The following SF3B1 variants were observed in gnomAD, a reference collection of about 807,000 sequenced individuals.
SF3B1 encodes pre-mRNA processing 10.
SF3B1 carries 12 observed loss-of-function variants against 153.8 expected under a neutral mutation model. The observed-to-expected ratio is 0.08, with a 90% CI of 0.05 to 0.13. SF3B1 has a LOEUF of 0.13. Ranked by LOEUF, SF3B1 falls within the 10% of genes least tolerant of loss-of-function variation. The pLI is 1.00. For synonymous variants in SF3B1, 498 were observed against 525.2 expected (o/e 0.95, Z 0.71); for missense variants, 513 against 1,606.1 (o/e 0.32, Z 11.63).
chr2:197,420,983 ACTT>A, intron 3 of SF3B1, 43 bp downstream of exon 3: 1 of 1,197,222 alleles, frequency 8.4e-7, no homozygotes, highest in Non-Finnish European at 1.2e-6. Context: ...TCAGACATTC[ACTT>A]TTCTTTAGCT....
chr2:197,396,783 C>T (rs975898879), intron 22 of SF3B1, among the ~76,000 whole-genome samples: 2 of 152,150 alleles, frequency 1.3e-5, no homozygotes, highest in African/African-American at 2.4e-5. Flanking sequence ...ATCTTTCCTC[C>T]ACACAATTTG....
rs140740005 is a variant in SF3B1, at chr2:197,420,492, A to G, written c.351T>C (p.Asp117=). The G allele has an allele frequency of 7.4e-6, 12 of 1,613,422 alleles. No homozygotes were observed. Among genetic ancestry groups the G allele is most frequent in the African/African-American group, 1.3e-5 (1 of 74,914 alleles). ...TGGTCCGCCTATGCTTTTTGTATTC[A>G]TCTTCCCGGTCTGCAATCTTTGGAG... is the stretch of plus-strand genomic sequence containing the variant. ...HRPPKIADRE[D]EYKKHRRTMI... Residue 117 remains aspartate (D), a synonymous_variant, in exon 4 of 25, where the codon GAT becomes GAC. Coordinates refer to ENST00000335508, the MANE Select transcript of SF3B1 (RefSeq NM_012433.4).
chr2:197,413,431 A>G (rs2085101239), intron 6 of SF3B1, among the ~76,000 whole-genome samples: 1 of 152,190 alleles, frequency 6.6e-6, no homozygotes, highest in Admixed American at 6.5e-5. Flanking sequence ...AATTAAAAAT[A>G]AAGCTAGTAG....
chr2:197,409,867 T>C lies in SF3B1; in HGVS notation c.807A>G (p.Gly269=), dbSNP rs1425191013. ...SHTPAGAATP[G]RGDTPGHATP... ...TCGCATGGCCTGGTGTATCACCTCGTCCAGGAGTAGCAGCTCCCGCTGGTG... is the reference window on the plus strand; with the variant it reads ...TCGCATGGCCTGGTGTATCACCTCGCCCAGGAGTAGCAGCTCCCGCTGGTG... The change falls in exon 7 of 25, where the codon GGA becomes GGG. Residue 269 remains glycine (G), a synonymous_variant. Coordinates refer to ENST00000335508, the MANE Select transcript of SF3B1 (RefSeq NM_012433.4). 1 of 1,614,150 alleles carries C rather than the reference T, an allele frequency of 6.2e-7. No homozygotes were observed. The highest frequency in any genetic ancestry group is 8.5e-7 in the Non-Finnish European group (1 of 1,180,028).
chr2:197,410,501 A>ATTTTT (rs573287348), intron 6 of SF3B1, among the ~76,000 whole-genome samples: 8 of 107,932 alleles, frequency 7.4e-5, no homozygotes, highest in Admixed American at 1.1e-4. Flanking sequence ...CACCTATGTA[A>ATTTTT]TTTTTTTTTT....
intron 4 of SF3B1, chr2:197,419,653 A>G: frequency 4.5e-6 from 1 of 223,738 alleles, no homozygotes. Flanking sequence ...GCTGTAGGAA[A>G]GAAATTAAGG....
chr2:197,423,790 A>G lies in SF3B1; in HGVS notation c.195+18T>C. 6.2e-7 allele frequency: 1 copy of G among 1,610,686 alleles called. No homozygotes were observed. Among genetic ancestry groups the G allele is most frequent in the Non-Finnish European group, 8.5e-7 (1 of 1,178,544 alleles). ...TCTCAAAAAAATAACTGCCTCTTGT[A>G]CATAATTTGTAACTTACATCTTCAA... On this transcript the variant is annotated intron_variant, in intron 2 of 24. Transcript: ENST00000335508.
rs2106010567 is a variant in SF3B1, at chr2:197,420,505, G to A, written c.338C>T (p.Ala113Val). Residue 113 changes from alanine (A) to valine (V), a missense_variant, in exon 4 of 25, where the codon GCA (alanine) becomes GTA (valine). Ala to Val is a moderately conservative substitution (Grantham distance 64, BLOSUM62 0). Transcript: ENST00000335508. ...PFAEHRPPKIADREDEYKKHR... is the reference protein window; with the variant it reads ...PFAEHRPPKIVDREDEYKKHR... The stretch of plus-strand genomic sequence containing the variant: ...CTTTTTGTATTCATCTTCCCGGTCT[G>A]CAATCTTTGGAGGTCTGTGCTCAGC... 6.2e-7 allele frequency: 1 copy of A among 1,613,054 alleles called. No individual in the cohort carries two copies. Among genetic ancestry groups the A allele is most frequent in the Non-Finnish European group, 8.5e-7 (1 of 1,179,242 alleles).
intron 1 of SF3B1, among the ~76,000 whole-genome samples, chr2:197,432,131 AAC>A (rs1467091124): frequency 6.6e-6 from 1 of 152,228 alleles, no homozygotes; most frequent in Non-Finnish European, 1.5e-5. Flanking sequence ...CTCAAAAATA[AAC>A]ACAGGAAAAA....
upstream of SF3B1, chr2:197,435,042 A>G (rs1183976234): frequency 2.5e-6 from 4 of 1,613,952 alleles, no homozygotes; most frequent in South Asian, 4.4e-5. Flanking sequence ...GCTCCCAAGA[A>G]CTTCCGCTCG....
At position 197,410,023 on chromosome 2, in the gene SF3B1, A is replaced by C. The variant is rs758328669; in HGVS notation, c.667-16T>G. 1 of 1,544,740 alleles carries C rather than the reference A, an allele frequency of 6.5e-7. No homozygotes were observed. Among genetic ancestry groups the C allele is most frequent in the Non-Finnish European group, 8.8e-7 (1 of 1,130,636 alleles). On this transcript the variant is annotated splice_polypyrimidine_tract_variant and intron_variant, in intron 6 of 24. Coordinates refer to ENST00000335508, the MANE Select transcript of SF3B1 (RefSeq NM_012433.4). ...GCCCAGGGGTCTTAAAAAAGCAAAA[A>C]AATTTTATTTCACACACCCACACAG...
intron 11 of SF3B1, among the ~76,000 whole-genome samples, chr2:197,404,237 G>A (rs550489482): frequency 4.6e-5 from 7 of 152,120 alleles, no homozygotes; most frequent in Non-Finnish European, 8.8e-5. Context: ...CAACACTTTC[G>A]GAGACTGAGG....
At chr2:197,408,747 ACT>A (rs2085026015) in intron 7 of SF3B1, 166 bp from the exon 8 acceptor site, 3 of 596,320 alleles carry the variant, frequency 5.0e-6, no homozygotes, top group Non-Finnish European at 8.8e-6. Flanking sequence ...ACATGATGAA[ACT>A]CTGTCTCTAC....
chr2:197,417,155 T>C (rs567750666), intron 5 of SF3B1, among the ~76,000 whole-genome samples: 20 of 152,332 alleles, frequency 1.3e-4, no homozygotes, highest in African/African-American at 4.3e-4. Context: ...CTGTAGTTTA[T>C]ATACTGGAGG....
At chr2:197,419,095 G>C in intron 4 of SF3B1, 1 of 606,452 alleles carries the variant, frequency 1.6e-6, no homozygotes, top group Non-Finnish European at 2.9e-6. Flanking sequence ...AACAATTGTA[G>C]TTTAGAAAAT....
At chr2:197,424,608 C>T (rs1040389279) in intron 1 of SF3B1, among the ~76,000 whole-genome samples, 5 of 152,074 alleles carry the variant, frequency 3.3e-5, no homozygotes, top group African/African-American at 1.2e-4. Flanking sequence ...AACCCATGAT[C>T]CAATCAAGCA....
intron 6 of SF3B1, among the ~76,000 whole-genome samples, chr2:197,414,691 G>A (rs1394275167): frequency 6.6e-6 from 1 of 152,182 alleles, no homozygotes; most frequent in African/African-American, 2.4e-5. Context: ...CTAGAACTAT[G>A]TAAGCAGGGA....
chr2:197,419,721 C>G, intron 4 of SF3B1: 1 of 221,916 alleles, frequency 4.5e-6, no homozygotes, highest in Non-Finnish European at 9.0e-6. Context: ...TACAATTATG[C>G]AAGTAAAAAA....
At chr2:197,428,059 G>A (rs552825956) in intron 1 of SF3B1, among the ~76,000 whole-genome samples, 4 of 151,794 alleles carry the variant, frequency 2.6e-5, no homozygotes, top group East Asian at 3.9e-4. Context: ...AAGGTAATGA[G>A]GCTGGGCACT....
Sources: allele counts gnomAD v4.1 joint callset (sites outside exome capture counted in the v4.1 genomes callset), GRCh38; gene constraint gnomAD v4.1.1; transcripts MANE v1.5; gene names NCBI Gene and HGNC (gene_info 2026-07-23, HGNC 2026-07-21).